PER2: variants seen among roughly 807,000 people sequenced by gnomAD.
PER2 encodes period circadian regulator 2.
PER2 carries 66 observed loss-of-function variants against 121.0 expected under a neutral mutation model. The observed-to-expected ratio is 0.55, with a 90% CI of 0.45 to 0.67. The LOEUF (loss-of-function observed/expected upper bound fraction) is 0.67. Ranked by LOEUF, PER2 falls within the 30% of genes least tolerant of loss-of-function variation. PER2 has a pLI of 0.00. For synonymous variants in PER2, 684 were observed against 659.9 expected, an observed-to-expected ratio of 1.04 and a Z score of -0.56; for missense variants, 1,521 against 1,635.0, an observed-to-expected ratio of 0.93 and a Z score of 1.20.
intron 2 of PER2, 69 bp downstream of exon 2, chr2:238,277,638 A>G (rs999261711): frequency 6.4e-7 from 1 of 1,556,912 alleles, no homozygotes; most frequent in Non-Finnish European, 8.8e-7. Context: ...AAGCAATCAA[A>G]TCACAGCAGA....
intron 8 of PER2, among the ~76,000 whole-genome samples, chr2:238,266,125 G>C (rs577235098): frequency 5.9e-5 from 9 of 151,792 alleles, no homozygotes; most frequent in South Asian, 2.1e-4. Context: ...GGATGGTCTC[G>C]ATCTCCTGAC....
chr2:238,293,956 G>A (rs962752648), upstream of PER2, among the ~76,000 whole-genome samples: 2 of 152,040 alleles, frequency 1.3e-5, no homozygotes, highest in South Asian at 2.1e-4. Context: ...TCTTTCCAGG[G>A]CTTCTGGGCA....
At chr2:238,293,337 A>G (rs946590608), upstream of PER2, among the ~76,000 whole-genome samples, 1 of 152,186 alleles carries the variant, frequency 6.6e-6, no homozygotes, top group African/African-American at 2.4e-5. Context: ...CAGTGATTAA[A>G]TGTGTACCCA....
At chr2:238,267,472 TAC>T (rs1217816015) in intron 8 of PER2, among the ~76,000 whole-genome samples, 2 of 152,150 alleles carry the variant, frequency 1.3e-5, no homozygotes, top group Non-Finnish European at 2.9e-5. Context: ...ATGCTGGGCA[TAC>T]AGAGGCACAG....
chr2:238,256,627 C>A (rs562239761), intron 17 of PER2, among the ~76,000 whole-genome samples: 1 of 152,128 alleles, frequency 6.6e-6, no homozygotes, highest in Non-Finnish European at 1.5e-5. Flanking sequence ...CAGTGCTCTC[C>A]GCACCAATTA....
chr2:238,280,057 A>G (rs926643959), intron 1 of PER2, among the ~76,000 whole-genome samples: 1 of 152,178 alleles, frequency 6.6e-6, no homozygotes, highest in Non-Finnish European at 1.5e-5. Flanking sequence ...TGGGAAGGAG[A>G]GGTTCTCCTG....
At chr2:238,248,624 G>A (rs1326839307) in intron 22 of PER2, among the ~76,000 whole-genome samples, 2 of 151,670 alleles carry the variant, frequency 1.3e-5, no homozygotes, top group Non-Finnish European at 2.9e-5. Context: ...CTAGTGCTGT[G>A]CCTTTAAAAA....
intron 1 of PER2, among the ~76,000 whole-genome samples, chr2:238,281,129 A>G (rs1424666924): frequency 6.6e-6 from 1 of 151,260 alleles, no homozygotes; most frequent in African/African-American, 2.4e-5. Flanking sequence ...TCAGCCTCCC[A>G]AGTAGCTGGG....
chr2:238,255,634 C>T (rs768086396), intron 18 of PER2, 23 bp downstream of exon 18: 4 of 1,613,544 alleles, frequency 2.5e-6, no homozygotes, highest in Non-Finnish European at 3.4e-6. Context: ...TTAAAACGCA[C>T]TTTTAATTCG....
chr2:238,265,471 T>C (rs1407411758), intron 9 of PER2, 41 bp downstream of exon 9: 6 of 1,307,086 alleles, frequency 4.6e-6, no homozygotes, highest in South Asian at 3.6e-5. Flanking sequence ...ATAGCTTTTA[T>C]ATCAAAAACA....
chr2:238,291,178 G>C (rs867075428), upstream of PER2, among the ~76,000 whole-genome samples: 3 of 152,188 alleles, frequency 2.0e-5, no homozygotes, highest in South Asian at 6.2e-4. Flanking sequence ...GGTAAGCCAG[G>C]GTCCCCACCT....
chr2:238,268,036 G>A lies in PER2; in HGVS notation c.967+20C>T, dbSNP rs369059264. 5.0e-6 allele frequency: 8 copies of A among 1,612,814 alleles called. No homozygotes were observed. The African/African-American group carries it at 5.3e-5, about 11-fold the overall frequency. On this transcript the variant is annotated intron_variant, in intron 8 of 22. Coordinates refer to ENST00000254657, the MANE Select transcript of PER2 (RefSeq NM_022817.3). This position sits in a 1 kb window ranked among gnomAD's most constrained non-coding sequence, Gnocchi z 4.0. ...GGAGCCAGAGACAACATCTGCCCTC[G>A]CCCTGGGCTTGGCTGTTACCTTCAT...
At chr2:238,293,741 AAAAAAAAGAAAGAAAAAG>A (rs1458584815), upstream of PER2, among the ~76,000 whole-genome samples, 4 of 151,840 alleles carry the variant, frequency 2.6e-5, no homozygotes, top group African/African-American at 7.3e-5. Flanking sequence ...TCTCAAAAAA[AAAAAAAAGAAAGAAAAAG>A]AAAAAAAAGA....
intron 20 of PER2, 45 bp from the exon 21 acceptor site, chr2:238,250,788 A>T (rs1441439998): frequency 7.4e-7 from 1 of 1,359,898 alleles, no homozygotes; most frequent in Admixed American, 1.7e-5. Context: ...TGACATATGA[A>T]ATTAAACCTT....
chr2:238,262,464 A>G (rs751774220), intron 10 of PER2, 120 bp from the exon 11 acceptor site: 17 of 908,756 alleles, frequency 1.9e-5, no homozygotes, highest in Non-Finnish European at 3.0e-5. Context: ...GGGTATGAAC[A>G]CTTCTTCAAA....
Position 238,268,884 on chromosome 2 carries a change from A to T in PER2, c.824+39T>A. On this transcript the variant is annotated intron_variant, in intron 7 of 22. Coordinates refer to ENST00000254657, the MANE Select transcript of PER2 (RefSeq NM_022817.3). This position sits in a 1 kb window ranked among gnomAD's most constrained non-coding sequence, Gnocchi z 4.0. ...AGCAGTGCTGGGGTGAAATGTTTAT[A>T]CGGTTTTCTAATTTAAGAAAACTGG... The T allele has an allele frequency of 6.7e-7, 1 of 1,481,750 alleles. No homozygotes were observed. The highest frequency in any genetic ancestry group is 9.4e-7 in the Non-Finnish European group (1 of 1,059,090). The allele number at this position is 1,481,750 out of a possible 1,614,324, so 91.8% of individuals were successfully genotyped here.
intron 17 of PER2, among the ~76,000 whole-genome samples, chr2:238,256,463 GA>G (rs1267535270): frequency 6.6e-6 from 1 of 152,180 alleles, no homozygotes; most frequent in Non-Finnish European, 1.5e-5. Flanking sequence ...TAAAGAACAA[GA>G]ACACTCAGCC....
upstream of PER2, among the ~76,000 whole-genome samples, chr2:238,293,734 C>T (rs939175404): frequency 1.9e-5 from 2 of 104,732 alleles, no homozygotes; most frequent in Non-Finnish European, 4.3e-5. Context: ...GACTCTGTCT[C>T]AAAAAAAAAA....
chr2:238,273,918 G>A (rs1229919295), intron 4 of PER2, among the ~76,000 whole-genome samples: 1 of 152,038 alleles, frequency 6.6e-6, no homozygotes, highest in Non-Finnish European at 1.5e-5. Flanking sequence ...TGCCCGCCTC[G>A]GCCTCCCAAA....
Sources: allele counts gnomAD v4.1 joint callset (sites outside exome capture counted in the v4.1 genomes callset), GRCh38; gene constraint gnomAD v4.1.1; non-coding constraint Gnocchi (gnomAD v3.1); transcripts MANE v1.5; gene names NCBI Gene and HGNC (gene_info 2026-07-23, HGNC 2026-07-21).